Variants in NXPH1 observed in about 807,000 individuals in gnomAD.
The protein encoded by NXPH1 is neurexophilin 1.
NXPH1 carries 5 observed loss-of-function variants against 23.7 expected under a neutral mutation model. That is an observed-to-expected ratio of 0.21 (90% CI 0.11 to 0.44). The LOEUF is 0.44. Ranked by LOEUF, NXPH1 falls within the 20% of genes least tolerant of loss-of-function variation. NXPH1 has a pLI of 0.99. For synonymous variants in NXPH1, 144 were observed against 122.2 expected, an observed-to-expected ratio of 1.18 and a Z score of -1.18; for missense variants, 324 against 321.6, an observed-to-expected ratio of 1.01 and a Z score of -0.06.
chr7:8,522,101 T>C (rs979064582), intron 2 of NXPH1, among the ~76,000 whole-genome samples: 1 of 152,204 alleles, frequency 6.6e-6, no homozygotes, highest in Non-Finnish European at 1.5e-5. Flanking sequence ...TAAGAGGCAT[T>C]GTTTCAAAAT....
At chr7:8,684,299 C>A (rs1349202161) in intron 2 of NXPH1, among the ~76,000 whole-genome samples, 1 of 152,072 alleles carries the variant, frequency 6.6e-6, no homozygotes, top group Non-Finnish European at 1.5e-5. Context: ...TTCCTCACAC[C>A]AGAGCTTATT....
At position 8,511,087 on chromosome 7, in the gene NXPH1, A is replaced by G. The variant is rs78786379; in HGVS notation, c.54+75320A>G. On this transcript the variant is annotated intron_variant, in intron 2 of 2. Transcript: ENST00000405863. ...AAGTAGAACAATAGAGCTTGGTTTAACCTGGAATCCAAAAAGAATAGGACT... is the reference window on the plus strand; with the variant it reads ...AAGTAGAACAATAGAGCTTGGTTTAGCCTGGAATCCAAAAAGAATAGGACT... Among the ~76,000 whole-genome samples the G allele has an allele frequency of 1.4e-3, 213 of 152,234 alleles. 3 individuals are homozygous for G. In the East Asian group the frequency reaches 0.037, roughly 26 times the overall value.
intron 2 of NXPH1, among the ~76,000 whole-genome samples, chr7:8,547,443 T>A (rs998650683): frequency 6.6e-6 from 1 of 150,474 alleles, no homozygotes; most frequent in Non-Finnish European, 1.5e-5. Context: ...AAGATGTATA[T>A]ATGATAAATA....
At chr7:8,570,661 A>C in intron 2 of NXPH1, among the ~76,000 whole-genome samples, 1 of 151,930 alleles carries the variant, frequency 6.6e-6, no homozygotes. Flanking sequence ...TTATGCAGGC[A>C]AAGATTACTC....
intron 2 of NXPH1, among the ~76,000 whole-genome samples, chr7:8,727,708 G>T (rs1236193041): frequency 6.6e-6 from 1 of 151,962 alleles, no homozygotes; most frequent in Non-Finnish European, 1.5e-5. Context: ...TCTCTGTTTT[G>T]GTACCAGTAC....
At chr7:8,572,829 G>A (rs572590973) in intron 2 of NXPH1, among the ~76,000 whole-genome samples, 1 of 151,874 alleles carries the variant, frequency 6.6e-6, no homozygotes, top group South Asian at 2.1e-4. Context: ...GAAATATTAT[G>A]AGGCCACAGA....
chr7:8,602,280 A>G (rs1407237827), intron 2 of NXPH1, among the ~76,000 whole-genome samples: 2 of 152,136 alleles, frequency 1.3e-5, no homozygotes, highest in African/African-American at 2.4e-5. Context: ...TTCTTCCTTC[A>G]TTAGAGATCT....
chr7:8,499,571 G>A (rs1381996832), intron 2 of NXPH1, among the ~76,000 whole-genome samples: 2 of 152,038 alleles, frequency 1.3e-5, no homozygotes, highest in Non-Finnish European at 2.9e-5. Context: ...AAAAATAAGG[G>A]TACAAGTAAG....
At chr7:8,483,851 T>C (rs1177958611) in intron 2 of NXPH1, among the ~76,000 whole-genome samples, 1 of 152,158 alleles carries the variant, frequency 6.6e-6, no homozygotes, top group Admixed American at 6.5e-5. Context: ...TAAGGAAGAT[T>C]ATTTTCTCAT....
intron 2 of NXPH1, among the ~76,000 whole-genome samples, chr7:8,489,753 C>A (rs1203321471): frequency 6.6e-6 from 1 of 152,078 alleles, no homozygotes; most frequent in Non-Finnish European, 1.5e-5. Context: ...AAGGACCTGC[C>A]TTAACATACC....
intron 2 of NXPH1, among the ~76,000 whole-genome samples, chr7:8,682,379 A>T (rs746652720): frequency 1.7e-4 from 26 of 152,212 alleles, no homozygotes; most frequent in Non-Finnish European, 2.4e-4. Context: ...AAGGATTCTG[A>T]TACACAGCTG....
intron 2 of NXPH1, among the ~76,000 whole-genome samples, chr7:8,474,511 A>T (rs1413092366): frequency 6.6e-6 from 1 of 152,058 alleles, no homozygotes; most frequent in Non-Finnish European, 1.5e-5. Context: ...TCTACTCCTT[A>T]CTCTCTCACA....
At chr7:8,466,609 T>G (rs938045616) in intron 2 of NXPH1, among the ~76,000 whole-genome samples, 13 of 152,194 alleles carry the variant, frequency 8.5e-5, no homozygotes, top group Admixed American at 4.6e-4. Flanking sequence ...AACGTATTCT[T>G]AGTTTTTAGT....
chr7:8,655,267 C>G (rs979589071), intron 2 of NXPH1, among the ~76,000 whole-genome samples: 3 of 151,996 alleles, frequency 2.0e-5, no homozygotes, highest in African/African-American at 7.2e-5. Context: ...TGTCCATAGT[C>G]TTAGCTACTT....
intron 2 of NXPH1, among the ~76,000 whole-genome samples, chr7:8,548,959 A>G (rs1053146579): frequency 4.0e-5 from 6 of 151,562 alleles, no homozygotes; most frequent in African/African-American, 1.5e-4. Context: ...TATGTTGAGG[A>G]ATATTGGATT....
At chr7:8,589,605 G>T (rs1455600249) in intron 2 of NXPH1, among the ~76,000 whole-genome samples, 4 of 152,026 alleles carry the variant, frequency 2.6e-5, no homozygotes, top group Non-Finnish European at 1.5e-5. Flanking sequence ...CAAGAGCATT[G>T]GTCATGCAGA....
chr7:8,461,097 CAA>C (rs1237743822), intron 2 of NXPH1, among the ~76,000 whole-genome samples: 1 of 152,186 alleles, frequency 6.6e-6, no homozygotes, highest in Non-Finnish European at 1.5e-5. Context: ...TGAAAATACA[CAA>C]AGATTGGAGA....
intron 2 of NXPH1, among the ~76,000 whole-genome samples, chr7:8,645,697 G>T (rs6974600): frequency 0.72 from 109,281 of 151,490 alleles, 39,915 homozygotes; most frequent in East Asian, 1. Flanking sequence ...TAAAGTTATT[G>T]TAAACATTTT....
chr7:8,697,476 A>G (rs58177593), intron 2 of NXPH1, among the ~76,000 whole-genome samples: 61,203 of 152,034 alleles, frequency 0.4, 12,571 homozygotes, highest in Non-Finnish European at 0.45. Context: ...TATATTTTAG[A>G]AGTAGACAGA....
Sources: gnomAD v4.1 joint callset for allele counts (sites outside exome capture counted in the v4.1 genomes callset) on GRCh38, gnomAD v4.1.1 for gene constraint, MANE v1.5 for transcripts, NCBI Gene and HGNC (gene_info 2026-07-23, HGNC 2026-07-21) for gene names.